RPS6KA6: variants seen among roughly 807,000 people sequenced by gnomAD.
The protein encoded by RPS6KA6 is ribosomal protein S6 kinase A6.
RPS6KA6 carries 27 observed loss-of-function variants against 65.4 expected under a neutral mutation model. The observed-to-expected ratio is 0.41, with a 90% CI of 0.30 to 0.57. The LOEUF (loss-of-function observed/expected upper bound fraction) is 0.57, where lower values mean the gene tolerates loss of function less well. Ranked by LOEUF, RPS6KA6 falls within the 20% of genes least tolerant of loss-of-function variation. The pLI is 0.24. For synonymous variants in RPS6KA6, 190 were observed against 184.2 expected, an observed-to-expected ratio of 1.03 and a Z score of -0.26; for missense variants, 486 against 555.6, an observed-to-expected ratio of 0.87 and a Z score of 1.26.
At chrX:84,118,343 G>A (rs770902280) in intron 9 of RPS6KA6, among the ~76,000 whole-genome samples, 189 of 111,372 alleles carry the variant, frequency 1.7e-3, no homozygotes, top group Non-Finnish European at 2.0e-3. Context: ...CGCCACCAAA[G>A]ACTGGAGGAG....
At chrX:84,084,384 T>G (rs2033872216) in intron 20 of RPS6KA6, among the ~76,000 whole-genome samples, 1 of 112,246 alleles carries the variant, frequency 8.9e-6, no homozygotes, top group African/African-American at 3.2e-5. Flanking sequence ...AGTTAATTTT[T>G]GTATAAGGTG....
Position 84,097,780 on chromosome X carries a change from C to T in RPS6KA6, c.1845G>A (p.Met615Ile). ...GAATATATGTTTCTTACCCAGCCAACATTGTGTAAAAAAGGACTCCTAAAC... is the reference window on the plus strand; with the variant it reads ...GAATATATGTTTCTTACCCAGCCAATATTGTGTAAAAAAGGACTCCTAAAC... Reference protein sequence around the residue: ...IWSLGVLFYTMLAGYTPFANG... With the variant: ...IWSLGVLFYTILAGYTPFANG... The change falls in exon 19 of 22, where the codon ATG becomes ATA. Residue 615 changes from methionine (M) to isoleucine (I), a missense_variant. This residue lies in a region of RPS6KA6 where 345 missense variants were observed against 375.0 expected (regional missense o/e 0.92). Coordinates refer to ENST00000262752, the MANE Select transcript of RPS6KA6 (RefSeq NM_014496.5). The T allele has an allele frequency of 8.5e-7, 1 of 1,178,289 alleles. No homozygotes were observed. Among genetic ancestry groups the T allele is most frequent in the Middle Eastern group, 2.3e-4 (1 of 4,270 alleles).
At chrX:84,117,838 T>A (rs1339546230) in intron 9 of RPS6KA6, among the ~76,000 whole-genome samples, 1 of 111,068 alleles carries the variant, frequency 9.0e-6, no homozygotes, top group Non-Finnish European at 1.9e-5. Flanking sequence ...AGAAAAGCAT[T>A]TCAAATTCAT....
intron 6 of RPS6KA6, 98 bp from the exon 7 acceptor site, chrX:84,135,308 AAAT>A: frequency 5.7e-6 from 3 of 527,566 alleles, no homozygotes; most frequent in Admixed American, 3.6e-5. Context: ...AAATCTAGGA[AAAT>A]AATAAGATAA....
At chrX:84,118,938 C>T (rs2034618556) in intron 9 of RPS6KA6, among the ~76,000 whole-genome samples, 1 of 111,829 alleles carries the variant, frequency 8.9e-6, no homozygotes, top group African/African-American at 3.2e-5. Context: ...TCACTTCCTC[C>T]ACCTTTGCCC....
intron 20 of RPS6KA6, among the ~76,000 whole-genome samples, chrX:84,075,227 G>A (rs1030005845): frequency 1.8e-5 from 2 of 108,614 alleles, no homozygotes; most frequent in East Asian, 6.2e-4. Flanking sequence ...GCGAGACTCC[G>A]TCGCAAAACA....
intron 8 of RPS6KA6, among the ~76,000 whole-genome samples, chrX:84,129,660 T>A (rs1314145026): frequency 8.9e-6 from 1 of 111,825 alleles, no homozygotes; most frequent in Non-Finnish European, 1.9e-5. Flanking sequence ...AGAGTACTAT[T>A]CATCCATAAA....
At chrX:84,107,160 A>G in intron 13 of RPS6KA6, 120 bp from the exon 14 acceptor site, 1 of 517,307 alleles carries the variant, frequency 1.9e-6, no homozygotes, top group Non-Finnish European at 3.0e-6. Flanking sequence ...TATATATTTG[A>G]TTTATTATAT....
At chrX:84,169,474 T>C (rs1216865173) in intron 1 of RPS6KA6, among the ~76,000 whole-genome samples, 2 of 110,221 alleles carry the variant, frequency 1.8e-5, no homozygotes, top group Non-Finnish European at 3.8e-5. Flanking sequence ...GGAGGTGGTA[T>C]GGGATAGTGA....
intron 9 of RPS6KA6, 21 bp downstream of exon 9, chrX:84,119,863 TA>T: frequency 8.9e-7 from 1 of 1,118,045 alleles, no homozygotes. Context: ...TTGGCATAAT[TA>T]AAACAAATAA....
At chrX:84,136,106 T>A (rs924288546) in intron 6 of RPS6KA6, among the ~76,000 whole-genome samples, 4 of 112,029 alleles carry the variant, frequency 3.6e-5, no homozygotes, top group Non-Finnish European at 7.5e-5. Context: ...TAGGTTTACA[T>A]CTAAATTCAT....
intron 13 of RPS6KA6, 148 bp downstream of exon 13, chrX:84,107,475 C>T (rs2034382758): frequency 2.8e-6 from 1 of 358,749 alleles, no homozygotes; most frequent in Non-Finnish European, 4.9e-6. Flanking sequence ...GCTGCCCAAG[C>T]AATGTTTTGT....
intron 3 of RPS6KA6, among the ~76,000 whole-genome samples, chrX:84,155,353 C>A (rs192170731): frequency 9.0e-6 from 1 of 111,158 alleles, no homozygotes; most frequent in African/African-American, 3.3e-5. Flanking sequence ...CCTTAAATTG[C>A]GGTTTTTCTA....
chrX:84,120,819 T>C (rs1331265094), intron 8 of RPS6KA6, among the ~76,000 whole-genome samples: 1 of 111,839 alleles, frequency 8.9e-6, no homozygotes, highest in Non-Finnish European at 1.9e-5. Context: ...ATTCTACAAT[T>C]TGTATAAAAA....
At chrX:84,180,207 T>C (rs1283397448) in intron 1 of RPS6KA6, among the ~76,000 whole-genome samples, 2 of 111,771 alleles carry the variant, frequency 1.8e-5, no homozygotes, top group African/African-American at 6.5e-5. Flanking sequence ...ATAATTCATG[T>C]TCCATTTTCA....
intron 1 of RPS6KA6, among the ~76,000 whole-genome samples, chrX:84,167,066 T>C (rs2035608059): frequency 9.1e-6 from 1 of 110,210 alleles, no homozygotes; most frequent in Admixed American, 9.7e-5. Flanking sequence ...ACATCTTAAG[T>C]AAACTACTTT....
intron 3 of RPS6KA6, among the ~76,000 whole-genome samples, chrX:84,153,641 A>C (rs896195434): frequency 1.8e-5 from 2 of 111,700 alleles, no homozygotes. Flanking sequence ...TTTTGAAGAA[A>C]AACTTAAGAC....
At position 84,156,086 on chromosome X, in the gene RPS6KA6, A is replaced by G; in HGVS notation, c.247T>C (p.Ser83Pro). The G allele has an allele frequency of 8.6e-7, 1 of 1,157,904 alleles. No individual in the cohort carries two copies. The highest frequency in any genetic ancestry group is 1.2e-6 in the Non-Finnish European group (1 of 849,019). Residue 83 changes from serine to proline, a missense_variant, in exon 3 of 22, where the codon TCA (serine) becomes CCA (proline). By Grantham distance (74) the Ser-to-Pro change is moderately conservative (BLOSUM62 -1). Transcript: ENST00000262752. Reference sequence around the variant, plus strand: ...AAATTATTCATTACCTTTCCAAATGACCCCTGACCAAGAACCTTGAGCAAC... The same window carrying G: ...AAATTATTCATTACCTTTCCAAATGGCCCCTGACCAAGAACCTTGAGCAAC... Reference protein sequence around the residue: ...FELLKVLGQGSFGKVFLVRKK... With the variant: ...FELLKVLGQGPFGKVFLVRKK...
chrX:84,066,729 G>A (rs1215887164), intron 20 of RPS6KA6, among the ~76,000 whole-genome samples: 3 of 111,771 alleles, frequency 2.7e-5, no homozygotes, highest in African/African-American at 9.8e-5. Flanking sequence ...GAAGAGAGCA[G>A]CTGATCCTGA....
Sources: gnomAD v4.1 joint callset for allele counts (sites outside exome capture counted in the v4.1 genomes callset) on GRCh38, gnomAD v4.1.1 for gene constraint, gnomAD v4.1.1 regional missense constraint, MANE v1.5 for transcripts, NCBI Gene and HGNC (gene_info 2026-07-23, HGNC 2026-07-21) for gene names.